The following CNTNAP4 variants were observed in gnomAD, a reference collection of about 807,000 sequenced individuals.
CNTNAP4 encodes the protein contactin-associated protein-like 4.
CNTNAP4 carries 98 observed loss-of-function variants against 148.4 expected under a neutral mutation model. The ratio of observed to expected loss-of-function variants is 0.66; its 90% confidence interval spans 0.56 to 0.78. The LOEUF (loss-of-function observed/expected upper bound fraction) is 0.78, where lower values mean the gene tolerates loss of function less well. Among genes scored for constraint, CNTNAP4 ranks in the 30% least tolerant of loss-of-function variants. The pLI is 0.00. For synonymous variants in CNTNAP4, 730 were observed against 565.1 expected (o/e 1.29, Z -4.14); for missense variants, 1,935 against 1,565.6 (o/e 1.24, Z -3.98).
chr16:76,479,284 A>T, intron 11 of CNTNAP4, 135 bp from the exon 12 acceptor site: 1 of 569,622 alleles, frequency 1.8e-6, no homozygotes, highest in Non-Finnish European at 2.8e-6. Context: ...GTTTTGTTTT[A>T]AAGTAAGTTT....
At chr16:76,519,995 T>C (rs1205112023) in intron 15 of CNTNAP4, among the ~76,000 whole-genome samples, 1 of 152,216 alleles carries the variant, frequency 6.6e-6, no homozygotes, top group Non-Finnish European at 1.5e-5. Flanking sequence ...TCTGCTAACA[T>C]AACAAACTGT....
At position 76,355,451 on chromosome 16, in the gene CNTNAP4, C is replaced by T. The variant is rs147250119; in HGVS notation, c.330C>T (p.Leu110=). 2 of 1,612,826 alleles carry T rather than the reference C, an allele frequency of 1.2e-6. No homozygotes were observed. The highest frequency in any genetic ancestry group is 1.3e-5 in the African/African-American group (1 of 74,802). The change falls in exon 3 of 24, where the codon CTC becomes CTT. Residue 110 remains leucine, a synonymous_variant. Transcript: ENST00000611870. ...GCTCCAACTGGGTGACCAGCTACCTCCTGATGTTCAGTGATAGTGGCTGGA... is the reference window on the plus strand; with the variant it reads ...GCTCCAACTGGGTGACCAGCTACCTTCTGATGTTCAGTGATAGTGGCTGGA... ...YGSSNWVTSY[L]LMFSDSGWNW... is the part of the protein sequence containing the mutation.
At chr16:76,470,729 G>A in intron 10 of CNTNAP4, among the ~76,000 whole-genome samples, 1 of 143,354 alleles carries the variant, frequency 7.0e-6, no homozygotes, top group Non-Finnish European at 1.6e-5. Flanking sequence ...TTAAAATAAT[G>A]CAGGTTTTTA....
Position 76,355,426 on chromosome 16 carries a change from G to C in CNTNAP4, c.305G>C (p.Ser102Thr). 1.2e-6 allele frequency: 2 copies of C among 1,613,244 alleles called. No individual in the cohort carries two copies. Among genetic ancestry groups the C allele is most frequent in the Non-Finnish European group, 8.5e-7 (1 of 1,179,534 alleles). Residue 102 changes from serine to threonine, a missense_variant, in exon 3 of 24, where the codon AGC becomes ACC. Physicochemically the swap from Ser to Thr is moderately conservative, Grantham distance 58 (BLOSUM62 1). Transcript: ENST00000611870. Reference sequence around the variant, plus strand: ...GTGGCCACTCAAGGGGGATATGGTAGCTCCAACTGGGTGACCAGCTACCTC... The same window carrying C: ...GTGGCCACTCAAGGGGGATATGGTACCTCCAACTGGGTGACCAGCTACCTC... ...TAVATQGGYG[S>T]SNWVTSYLLM...
intron 3 of CNTNAP4, among the ~76,000 whole-genome samples, chr16:76,409,531 A>G (rs750063163): frequency 1.3e-5 from 2 of 152,048 alleles, no homozygotes; most frequent in African/African-American, 2.4e-5. Flanking sequence ...ATGGTACTAT[A>G]ATTACACTGG....
At chr16:76,289,071 A>T (rs12931736) in intron 1 of CNTNAP4, among the ~76,000 whole-genome samples, 45,657 of 121,444 alleles carry the variant, frequency 0.38, 7,386 homozygotes, top group African/African-American at 0.5. Context: ...CTCACCTTTT[A>T]AAAAAAAAAT....
chr16:76,313,857 A>G (rs527594819), intron 1 of CNTNAP4, among the ~76,000 whole-genome samples: 102 of 152,350 alleles, frequency 6.7e-4, no homozygotes, highest in African/African-American at 2.3e-3. Context: ...ATAACCCTGT[A>G]TAATTTTAAA....
intron 15 of CNTNAP4, among the ~76,000 whole-genome samples, chr16:76,502,578 A>C (rs1004376857): frequency 6.6e-6 from 1 of 152,192 alleles, no homozygotes; most frequent in Non-Finnish European, 1.5e-5. Context: ...ATCAGTTATA[A>C]ATCTAAAGAT....
At chr16:76,391,663 G>A (rs533618314) in intron 3 of CNTNAP4, among the ~76,000 whole-genome samples, 7 of 152,244 alleles carry the variant, frequency 4.6e-5, no homozygotes, top group Non-Finnish European at 8.8e-5. Flanking sequence ...CTGAGTGTGG[G>A]GTCCAGGAAC....
chr16:76,544,081 T>C (rs1490606184), intron 21 of CNTNAP4, among the ~76,000 whole-genome samples: 1 of 152,068 alleles, frequency 6.6e-6, no homozygotes, highest in Non-Finnish European at 1.5e-5. Flanking sequence ...TCGACATGAG[T>C]GTAATGTGCC....
intron 15 of CNTNAP4, among the ~76,000 whole-genome samples, chr16:76,512,673 C>A (rs1419195725): frequency 3.3e-5 from 5 of 151,908 alleles, no homozygotes; most frequent in Admixed American, 3.3e-4. Flanking sequence ...TTTAAAGCCA[C>A]AAGATGGAAC....
intron 3 of CNTNAP4, among the ~76,000 whole-genome samples, chr16:76,359,494 A>G (rs1285920062): frequency 6.7e-6 from 1 of 149,900 alleles, no homozygotes; most frequent in African/African-American, 2.5e-5. Context: ...CATACCTGAA[A>G]TAATTAAAAA....
chr16:76,301,990 C>T (rs1185295839), intron 1 of CNTNAP4, among the ~76,000 whole-genome samples: 2 of 152,018 alleles, frequency 1.3e-5, no homozygotes, highest in Non-Finnish European at 2.9e-5. Flanking sequence ...CGGGCACTTG[C>T]ACAGGCCCAG....
intron 9 of CNTNAP4, among the ~76,000 whole-genome samples, chr16:76,463,625 C>T (rs2081067014): frequency 6.6e-6 from 1 of 152,246 alleles, no homozygotes. Context: ...ACCCGACATC[C>T]AGTTTCCTCT....
intron 2 of CNTNAP4, among the ~76,000 whole-genome samples, chr16:76,337,368 T>C (rs1479588785): frequency 6.6e-6 from 1 of 152,116 alleles, no homozygotes; most frequent in Non-Finnish European, 1.5e-5. Context: ...ATAGAGAAAT[T>C]TTACAGCTGG....
At chr16:76,303,176 G>A (rs1463630116) in intron 1 of CNTNAP4, among the ~76,000 whole-genome samples, 4 of 152,160 alleles carry the variant, frequency 2.6e-5, no homozygotes, top group African/African-American at 9.7e-5. Context: ...ATTGCTCAGA[G>A]AAGCTTATTG....
In CNTNAP4 at chr16:76,339,746, G is replaced by C. The variant is rs546319533; in HGVS notation, c.197-15572G>C. ...ATTTGGCCATATTAGAACAATAACA[G>C]CTCAACTAATGAGAAGCCTCGCTTT... On this transcript the variant is annotated intron_variant, in intron 2 of 23. Coordinates refer to ENST00000611870, the MANE Select transcript of CNTNAP4 (RefSeq NM_033401.5). Among the ~76,000 whole-genome samples the C allele has an allele frequency of 5.3e-5, 8 of 152,214 alleles. No homozygotes were observed. In the South Asian group the frequency reaches 1.7e-3, roughly 32 times the overall value.
At chr16:76,550,280 T>C (rs1362362491) in intron 21 of CNTNAP4, among the ~76,000 whole-genome samples, 1 of 152,224 alleles carries the variant, frequency 6.6e-6, no homozygotes. Flanking sequence ...TTATTGTCTC[T>C]CTCCCTTTCC....
At chr16:76,295,921 G>C (rs546744205) in intron 1 of CNTNAP4, among the ~76,000 whole-genome samples, 1 of 152,110 alleles carries the variant, frequency 6.6e-6, no homozygotes, top group African/African-American at 2.4e-5. Flanking sequence ...GGGTTCCAGC[G>C]ATTCTCCTGC....
Sources: allele counts gnomAD v4.1 joint callset (sites outside exome capture counted in the v4.1 genomes callset), GRCh38; gene constraint gnomAD v4.1.1; transcripts MANE v1.5; gene names NCBI Gene and HGNC (gene_info 2026-07-23, HGNC 2026-07-21).